The following SPRED2 variants were observed in gnomAD, a reference collection of about 807,000 sequenced individuals.
SPRED2 encodes the protein sprouty-related, EVH1 domain-containing protein 2.
A neutral mutation model predicts 43.0 loss-of-function variants in SPRED2; 47 were observed. That is an observed-to-expected ratio of 1.09 (90% CI 0.87 to 1.40). The LOEUF is 1.40. SPRED2 is among the 40% of genes most tolerant of loss of function. The pLI is 0.00. For missense variants in SPRED2, 561 were observed against 586.4 expected, an observed-to-expected ratio of 0.96 and a Z score of 0.45; for synonymous variants, 225 against 225.7, an observed-to-expected ratio of 1.00 and a Z score of 0.03.
chr2:65,331,526 A>G (rs908849453), intron 4 of SPRED2, among the ~76,000 whole-genome samples: 2 of 152,168 alleles, frequency 1.3e-5, no homozygotes, highest in African/African-American at 4.8e-5. Flanking sequence ...ATGTTTAATT[A>G]CTCATCAGGA....
chr2:65,396,080 C>A (rs977009533), intron 1 of SPRED2, among the ~76,000 whole-genome samples: 2 of 152,126 alleles, frequency 1.3e-5, no homozygotes, highest in African/African-American at 4.8e-5. Context: ...ATGCTGCAGG[C>A]CTTAGTTTTC....
Position 65,331,822 on chromosome 2 carries a change from C to T in SPRED2, c.438+165G>A, listed in dbSNP as rs145245662. Among the ~76,000 whole-genome samples the T allele has an allele frequency of 3.1e-3, 466 of 152,322 alleles. 1 individual carries two copies. The highest frequency in any genetic ancestry group is 5.3e-3 in the Non-Finnish European group (359 of 68,030). On this transcript the variant is annotated intron_variant, in intron 4 of 5. Transcript: ENST00000356388. ...CTCACTGCAGCGTGAGCAACAGGGACAAACCCAGCCTGAGAAAAATTGTAG... is the reference window on the plus strand; with the variant it reads ...CTCACTGCAGCGTGAGCAACAGGGATAAACCCAGCCTGAGAAAAATTGTAG...
chr2:65,328,469 C>G (rs1279498807), intron 4 of SPRED2, among the ~76,000 whole-genome samples: 3 of 152,138 alleles, frequency 2.0e-5, no homozygotes, highest in Non-Finnish European at 4.4e-5. Flanking sequence ...CACTTCATCT[C>G]GCTGAGCTGT....
intron 1 of SPRED2, among the ~76,000 whole-genome samples, chr2:65,400,744 T>C (rs1675866414): frequency 6.6e-6 from 1 of 152,152 alleles, no homozygotes; most frequent in African/African-American, 2.4e-5. Context: ...GTCCTGTTTC[T>C]GGTTCAGTCC....
Position 65,334,784 on chromosome 2 carries a change from G to C in SPRED2, c.205-11C>G. 1 of 1,613,998 alleles carries C rather than the reference G, an allele frequency of 6.2e-7. No homozygotes were observed. Among genetic ancestry groups the C allele is most frequent in the Non-Finnish European group, 8.5e-7 (1 of 1,179,920 alleles). ...GCATTCCAATACCACCTGAAGGATG[G>C]AAACACACAGGCTGGTTACTAGTGG... On this transcript the variant is annotated splice_polypyrimidine_tract_variant and intron_variant, in intron 2 of 5. Transcript: ENST00000356388.
chr2:65,381,312 G>A (rs1045654803), intron 1 of SPRED2, among the ~76,000 whole-genome samples: 29 of 152,150 alleles, frequency 1.9e-4, no homozygotes, highest in Admixed American at 7.2e-4. Context: ...AGAATGGAAC[G>A]GTAACATACA....
intron 1 of SPRED2, among the ~76,000 whole-genome samples, chr2:65,362,430 C>T (rs565364143): frequency 6.6e-6 from 1 of 152,204 alleles, no homozygotes; most frequent in African/African-American, 2.4e-5. Context: ...ACACCACGCC[C>T]AGCTAATTGT....
intron 1 of SPRED2, among the ~76,000 whole-genome samples, chr2:65,419,659 A>T (rs1292734129): frequency 6.6e-6 from 1 of 152,038 alleles, no homozygotes; most frequent in Non-Finnish European, 1.5e-5. Flanking sequence ...CCAAACATCC[A>T]CTGTGAATTC....
intron 1 of SPRED2, among the ~76,000 whole-genome samples, chr2:65,397,173 A>G (rs1314681041): frequency 6.6e-6 from 1 of 152,180 alleles, no homozygotes; most frequent in Non-Finnish European, 1.5e-5. Context: ...AAAAATTTTG[A>G]TAAAGAAACA....
chr2:65,362,948 G>A (rs1192179910), intron 1 of SPRED2, among the ~76,000 whole-genome samples: 2 of 151,004 alleles, frequency 1.3e-5, no homozygotes, highest in Non-Finnish European at 3.0e-5. Flanking sequence ...GGCCGAGGCG[G>A]GCGAGCAGGC....
chr2:65,387,902 C>A (rs913072092), intron 1 of SPRED2, among the ~76,000 whole-genome samples: 2 of 152,010 alleles, frequency 1.3e-5, no homozygotes, highest in African/African-American at 4.8e-5. Context: ...AAGCGATTCT[C>A]CTGCCTCCGC....
Position 65,331,969 on chromosome 2 carries a change from A to C in SPRED2, c.438+18T>G, listed in dbSNP as rs779372006. 3.8e-6 allele frequency: 6 copies of C among 1,587,704 alleles called. No homozygotes were observed. The South Asian group carries it at 6.8e-5, about 18-fold the overall frequency. Reference sequence around the variant, plus strand: ...ATTCAACAACTAATCTGGAAAGCAAAGGACAAAGGAAACTTACTGTAAAAA... The same window carrying C: ...ATTCAACAACTAATCTGGAAAGCAACGGACAAAGGAAACTTACTGTAAAAA... On this transcript the variant is annotated intron_variant, in intron 4 of 5. Coordinates refer to ENST00000356388, the MANE Select transcript of SPRED2 (RefSeq NM_181784.3).
At chr2:65,401,926 A>AGCGCGCGCGCGCGC (rs143714447) in intron 1 of SPRED2, among the ~76,000 whole-genome samples, 4 of 121,926 alleles carry the variant, frequency 3.3e-5, no homozygotes, top group African/African-American at 1.6e-4. Context: ...TCAGAATATT[A>AGCGCGCGCGCGCGC]GCGCGCGCGC....
intron 2 of SPRED2, among the ~76,000 whole-genome samples, chr2:65,337,366 T>G (rs1322027129): frequency 6.6e-6 from 1 of 151,706 alleles, no homozygotes; most frequent in Non-Finnish European, 1.5e-5. Flanking sequence ...TTAAATAAGA[T>G]GCATACGGAG....
At chr2:65,422,381 G>A (rs955354257) in intron 1 of SPRED2, among the ~76,000 whole-genome samples, 3 of 152,158 alleles carry the variant, frequency 2.0e-5, no homozygotes, top group African/African-American at 7.2e-5. Context: ...CAAGAGGGCT[G>A]TCCTCACACC....
intron 1 of SPRED2, among the ~76,000 whole-genome samples, chr2:65,408,238 C>T (rs1676070564): frequency 6.6e-6 from 1 of 152,252 alleles, no homozygotes; most frequent in Non-Finnish European, 1.5e-5. Context: ...GCACCTCAAA[C>T]ATGTCAGACA....
intron 1 of SPRED2, among the ~76,000 whole-genome samples, chr2:65,392,234 C>T (rs1334747462): frequency 1.4e-5 from 2 of 139,242 alleles, no homozygotes; most frequent in Admixed American, 1.6e-4. Context: ...CACTGGAGTG[C>T]AGTGGTGCAA....
rs1250038238 is a variant in SPRED2 at position 65,338,214 on chromosome 2, CG to C, written c.205-3442del. Reference sequence around the variant, plus strand: ...CTCTCCCGTCTCCCTCTCCCTCTCCCGTCTCCCTCTCCCTCTCCCGTCTCCC... The same window carrying C: ...CTCTCCCGTCTCCCTCTCCCTCTCCCTCTCCCTCTCCCTCTCCCGTCTCCC... On this transcript the variant is annotated intron_variant, in intron 2 of 5. Coordinates refer to ENST00000356388, the MANE Select transcript of SPRED2 (RefSeq NM_181784.3). 7.7e-4 allele frequency among the ~76,000 whole-genome samples: 83 copies of C among 108,430 alleles called. 17 individuals carry two copies. Among genetic ancestry groups the C allele is most frequent in the African/African-American group, 2.7e-3 (77 of 28,144 alleles). 71.1% of individuals were successfully genotyped at this position (108,430 alleles called of 152,430 possible).
chr2:65,320,635 G>T (rs537150102), intron 4 of SPRED2, among the ~76,000 whole-genome samples: 20 of 152,302 alleles, frequency 1.3e-4, no homozygotes, highest in African/African-American at 4.8e-4. Context: ...TCCTAGCCGA[G>T]CCTGCAGTCT....
Sources: gnomAD v4.1 joint callset for allele counts (sites outside exome capture counted in the v4.1 genomes callset) on GRCh38, gnomAD v4.1.1 for gene constraint, MANE v1.5 for transcripts, NCBI Gene and HGNC (gene_info 2026-07-23, HGNC 2026-07-21) for gene names.